The following TMEM38B variants were observed in gnomAD, a reference collection of about 807,000 sequenced individuals.
The protein encoded by TMEM38B is trimeric intracellular cation channel type B.
A neutral mutation model predicts 28.7 loss-of-function variants in TMEM38B; 24 were observed. That is an observed-to-expected ratio of 0.84 (90% CI 0.61 to 1.18). The LOEUF (loss-of-function observed/expected upper bound fraction) is 1.18, where lower values mean the gene tolerates loss of function less well. TMEM38B is among the 50% of genes most tolerant of loss of function. The pLI is 0.00. For synonymous variants in TMEM38B, 131 were observed against 127.7 expected (o/e 1.03, Z -0.17); for missense variants, 380 against 350.9 (o/e 1.08, Z -0.66).
At position 105,694,648 on chromosome 9, in the gene TMEM38B, G is replaced by C. The variant is rs1230314464; in HGVS notation, c.-13G>C. 6.2e-7 allele frequency: 1 copy of C among 1,610,198 alleles called. No individual in the cohort carries two copies. The highest frequency in any genetic ancestry group is 1.7e-5 in the Admixed American group (1 of 59,996). On this transcript the variant is annotated 5_prime_UTR_variant, in exon 1 of 6. Transcript: ENST00000374692. ...AGCCGCGGCTGCTTCGGTTGCCGCG[G>C]TCGGTGGTCGTTATGGATTCTCCAT... is the stretch of plus-strand genomic sequence containing the variant.
chr9:105,721,162 G>T (rs879888503), intron 2 of TMEM38B, among the ~76,000 whole-genome samples: 1 of 152,116 alleles, frequency 6.6e-6, no homozygotes, highest in South Asian at 2.1e-4. Context: ...AGAGGACAAA[G>T]ACACTGTGTA....
chr9:105,744,184 T>C (rs1341575750), intron 4 of TMEM38B, among the ~76,000 whole-genome samples: 1 of 151,976 alleles, frequency 6.6e-6, no homozygotes, highest in Non-Finnish European at 1.5e-5. Flanking sequence ...ATATATAAAA[T>C]CATAAATTAA....
intron 4 of TMEM38B, among the ~76,000 whole-genome samples, chr9:105,743,638 T>C (rs1837284762): frequency 6.6e-6 from 1 of 152,048 alleles, no homozygotes; most frequent in Non-Finnish European, 1.5e-5. Flanking sequence ...TGTCCTGGAG[T>C]TAGCTAAATG....
chr9:105,744,141 A>G (rs1588445261), intron 4 of TMEM38B, among the ~76,000 whole-genome samples: 1 of 152,200 alleles, frequency 6.6e-6, no homozygotes, highest in South Asian at 2.1e-4. Flanking sequence ...AATGGCTAAA[A>G]CCAGCAAAGA....
intron 1 of TMEM38B, among the ~76,000 whole-genome samples, chr9:105,695,016 C>G (rs1835235957): frequency 6.6e-6 from 1 of 152,200 alleles, no homozygotes; most frequent in Non-Finnish European, 1.5e-5. Context: ...CTGGGGTCCG[C>G]GAGGCCGTAG....
Position 105,775,237 on chromosome 9 carries a change from A to G in TMEM38B, c.*1157A>G, listed in dbSNP as rs979886877. On this transcript the variant is annotated 3_prime_UTR_variant, in exon 6 of 6. Coordinates refer to ENST00000374692, the MANE Select transcript of TMEM38B (RefSeq NM_018112.3). ...CTAACCAAGAAGAAACAGAGAAACC[A>G]GAACTTCATATGGCAGTCCATTTAG... is the stretch of plus-strand genomic sequence containing the variant. 2.0e-5 allele frequency: 3 copies of G among 152,172 alleles called. No individual in the cohort carries two copies. The highest frequency in any genetic ancestry group is 4.8e-5 in the African/African-American group (2 of 41,464). The allele number at this position is 152,172 out of a possible 1,614,324, so 9.4% of individuals were successfully genotyped here. A position where few individuals can be genotyped will look rare whatever the true frequency, so the allele number is the denominator to read the frequency against.
At chr9:105,753,779 GCAT>G (rs1377858933) in intron 5 of TMEM38B, among the ~76,000 whole-genome samples, 1 of 152,144 alleles carries the variant, frequency 6.6e-6, no homozygotes, top group East Asian at 1.9e-4. Context: ...TAACCAGCTA[GCAT>G]CATGATGATA....
At position 105,776,034 on chromosome 9, in the gene TMEM38B, C is replaced by T. The variant is rs1476759146; in HGVS notation, c.*1954C>T. The T allele has an allele frequency of 6.6e-6, 1 of 152,158 alleles. No homozygotes were observed. Among genetic ancestry groups the T allele is most frequent in the Non-Finnish European group, 1.5e-5 (1 of 68,038 alleles). The allele number at this position is 152,158 out of a possible 1,614,324, so 9.4% of individuals were successfully genotyped here. A position where few individuals can be genotyped will look rare whatever the true frequency, so the allele number is the denominator to read the frequency against. On this transcript the variant is annotated 3_prime_UTR_variant, in exon 6 of 6. Transcript: ENST00000374692. ...AACATGGCTTAGGCCTGAAACCCAT[C>T]CTGAATCTATTCAGGTCACCTGTAG...
At position 105,694,737 on chromosome 9, in the gene TMEM38B, A is replaced by C; in HGVS notation, c.77A>C (p.Tyr26Ser). ...TTTCCCTTTTTTGACATCGCGCACT[A>C]TCTAGTGTCAGTGATGGCGGTGAAA... ...SMFPFFDIAH[Y>S]LVSVMAVKRQ... The change falls in exon 1 of 6, where the codon TAT becomes TCT. Residue 26 changes from tyrosine (Y) to serine (S), a missense_variant. Coordinates refer to ENST00000374692, the MANE Select transcript of TMEM38B (RefSeq NM_018112.3). The C allele has an allele frequency of 6.2e-7, 1 of 1,611,354 alleles. No homozygotes were observed. Among genetic ancestry groups the C allele is most frequent in the East Asian group, 2.2e-5 (1 of 44,628 alleles).
intron 2 of TMEM38B, among the ~76,000 whole-genome samples, chr9:105,714,362 G>A (rs1489250794): frequency 1.3e-5 from 2 of 152,130 alleles, no homozygotes; most frequent in Non-Finnish European, 2.9e-5. Context: ...CTTCCTGGAC[G>A]CAGGACAAGA....
At position 105,694,582 on chromosome 9, in the gene TMEM38B, G is replaced by A. The variant is rs984979418; in HGVS notation, c.-79G>A. On this transcript the variant is annotated 5_prime_UTR_variant, in exon 1 of 6. Coordinates refer to ENST00000374692, the MANE Select transcript of TMEM38B (RefSeq NM_018112.3). ...CGGAGGAGCGGGCGGCCGCGGCTGT[G>A]CCCTCTCCTACTCCTCACCGCGCGA... 8.5e-6 allele frequency: 10 copies of A among 1,172,936 alleles called. No individual in the cohort carries two copies. Among genetic ancestry groups the A allele is most frequent in the South Asian group, 2.6e-5 (2 of 77,580 alleles). 72.7% of individuals were successfully genotyped at this position (1,172,936 alleles called of 1,614,324 possible).
chr9:105,753,082 C>T (rs1837717067), intron 5 of TMEM38B, among the ~76,000 whole-genome samples: 1 of 152,052 alleles, frequency 6.6e-6, no homozygotes, highest in Non-Finnish European at 1.5e-5. Flanking sequence ...AGCTTGAAGA[C>T]TATCTTTCTG....
At chr9:105,765,142 C>T (rs371146848) in intron 5 of TMEM38B, among the ~76,000 whole-genome samples, 41 of 152,114 alleles carry the variant, frequency 2.7e-4, no homozygotes, top group African/African-American at 9.2e-4. Context: ...CTTTCTAAGG[C>T]ATTTGTATGC....
chr9:105,729,984 C>T (rs572438482), intron 4 of TMEM38B, among the ~76,000 whole-genome samples: 1,644 of 152,208 alleles, frequency 0.011, 14 homozygotes, highest in Non-Finnish European at 0.016. Context: ...TAGGCTGAGA[C>T]GATGGGGTTT....
At chr9:105,703,648 G>A (rs1389789233) in intron 1 of TMEM38B, among the ~76,000 whole-genome samples, 1 of 152,012 alleles carries the variant, frequency 6.6e-6, no homozygotes, top group East Asian at 1.9e-4. Flanking sequence ...GGTTGAACTA[G>A]TTTACAGTCC....
chr9:105,755,992 A>G (rs1179495195), intron 5 of TMEM38B, among the ~76,000 whole-genome samples: 1 of 152,138 alleles, frequency 6.6e-6, no homozygotes, highest in Non-Finnish European at 1.5e-5. Flanking sequence ...GCACTTTGGG[A>G]GGCCAAGGTT....
chr9:105,717,645 A>G lies in TMEM38B; in HGVS notation c.270-3892A>G, dbSNP rs1165745404. On this transcript the variant is annotated intron_variant, in intron 2 of 5. Coordinates refer to ENST00000374692, the MANE Select transcript of TMEM38B (RefSeq NM_018112.3). ...AACTATATTGTTTATGGATATAAACATATGCTAAAACTACATAAAAAAGCT... is the reference window on the plus strand; with the variant it reads ...AACTATATTGTTTATGGATATAAACGTATGCTAAAACTACATAAAAAAGCT... Among the ~76,000 whole-genome samples, 6 of 136,530 alleles carry G rather than the reference A, an allele frequency of 4.4e-5. 1 individual carries two copies. The South Asian group carries it at 1.2e-3, about 26-fold the overall frequency. 89.6% of individuals were successfully genotyped at this position (136,530 alleles called of 152,430 possible).
Position 105,774,575 on chromosome 9 carries a change from TTATATTA to T in TMEM38B, c.*498_*504del, listed in dbSNP as rs1489728684. ...AAGAGTAAACTTTTCCTAAAACACTTTATATTATAAATGAAAATAAATTGCTAGTTTA... is the reference window on the plus strand; with the variant it reads ...AAGAGTAAACTTTTCCTAAAACACTTTAAATGAAAATAAATTGCTAGTTTA... On this transcript the variant is annotated 3_prime_UTR_variant, in exon 6 of 6. Coordinates refer to ENST00000374692, the MANE Select transcript of TMEM38B (RefSeq NM_018112.3). The T allele has an allele frequency of 2.0e-5, 3 of 152,056 alleles. No individual in the cohort carries two copies. The highest frequency in any genetic ancestry group is 7.2e-5 in the African/African-American group (3 of 41,418). 9.4% of individuals were successfully genotyped at this position (152,056 alleles called of 1,614,324 possible). A position where few individuals can be genotyped will look rare whatever the true frequency, so the allele number is the denominator to read the frequency against.
chr9:105,745,462 A>T (rs1329124096), intron 4 of TMEM38B, among the ~76,000 whole-genome samples: 2 of 151,898 alleles, frequency 1.3e-5, no homozygotes, highest in African/African-American at 4.8e-5. Flanking sequence ...AATTTGTTTG[A>T]GTTCTTTGTA....
Sources: gnomAD v4.1 joint callset for allele counts (sites outside exome capture counted in the v4.1 genomes callset) on GRCh38, gnomAD v4.1.1 for gene constraint, MANE v1.5 for transcripts, NCBI Gene and HGNC (gene_info 2026-07-23, HGNC 2026-07-21) for gene names.